Variants in HERC4 observed in about 807,000 individuals in gnomAD.
The protein encoded by HERC4 is probable E3 ubiquitin-protein ligase HERC4.
Under a neutral mutation model 124.3 loss-of-function variants are expected in HERC4, and 28 were observed. The ratio of observed to expected loss-of-function variants is 0.23; its 90% CI spans 0.17 to 0.31. The LOEUF (loss-of-function observed/expected upper bound fraction) is 0.31. Ranked by LOEUF, HERC4 falls within the 10% of genes least tolerant of loss-of-function variation. The pLI is 1.00. For synonymous variants in HERC4, 407 were observed against 421.5 expected (o/e 0.97, Z 0.42); for missense variants, 713 against 1,229.3 (o/e 0.58, Z 6.28).
At chr10:68,073,256 A>G in intron 2 of HERC4, 70 bp from the exon 3 acceptor site, 1 of 609,232 alleles carries the variant, frequency 1.6e-6, no homozygotes, top group Non-Finnish European at 2.9e-6. Flanking sequence ...TTCAAGTGCT[A>G]GGCTACAATA....
intron 9 of HERC4, chr10:67,996,171 G>A (rs573558445): frequency 1.3e-4 from 60 of 447,778 alleles, no homozygotes; most frequent in Non-Finnish European, 2.2e-4. Flanking sequence ...GTTAAGCGTG[G>A]TGGCGCATGC....
intron 15 of HERC4, among the ~76,000 whole-genome samples, chr10:67,969,880 CA>C (rs946799345): frequency 2.8e-4 from 42 of 152,260 alleles, no homozygotes; most frequent in African/African-American, 8.9e-4. Flanking sequence ...AACCAAGAAC[CA>C]TTTCTGTTCC....
At position 67,955,145 on chromosome 10, in the gene HERC4, A is replaced by G. The variant is rs2034058264; in HGVS notation, c.2026-15T>C. 6.4e-7 allele frequency: 1 copy of G among 1,570,286 alleles called. No homozygotes were observed. The highest frequency in any genetic ancestry group is 8.6e-7 in the Non-Finnish European group (1 of 1,164,960). ...TCAATAGCCATCTGGAAAACAAAAG[A>G]TTAACATTTTAACAGCAATGCTACA... On this transcript the variant is annotated splice_polypyrimidine_tract_variant and intron_variant, in intron 17 of 24. Transcript: ENST00000373700.
intron 3 of HERC4, among the ~76,000 whole-genome samples, chr10:68,057,912 G>T (rs2040634596): frequency 6.6e-6 from 1 of 151,944 alleles, no homozygotes; most frequent in South Asian, 2.1e-4. Context: ...TGTTGCCCAG[G>T]CTGGTCTTGA....
chr10:68,026,706 G>T lies in HERC4; in HGVS notation c.778-1030C>A, dbSNP rs371822144. Among the ~76,000 whole-genome samples the T allele has an allele frequency of 5.4e-4, 82 of 152,272 alleles. 2 individuals are homozygous for T. The South Asian group carries it at 0.016, about 29-fold the overall frequency. ...AAAATGCAAAAAAATAGCCAGGCAT[G>T]GTGGCACAGACCTGGAGTCCCAGCT... On this transcript the variant is annotated intron_variant, in intron 7 of 24. Transcript: ENST00000373700.
At chr10:67,956,263 G>C (rs763833129) in intron 17 of HERC4, 2 of 152,018 alleles carry the variant, frequency 1.3e-5, no homozygotes, top group Non-Finnish European at 2.9e-5. Flanking sequence ...CAAACTTACT[G>C]TAACCCTTTA....
intron 15 of HERC4, among the ~76,000 whole-genome samples, chr10:67,969,981 A>G (rs1408516597): frequency 6.6e-6 from 1 of 152,194 alleles, no homozygotes; most frequent in African/African-American, 2.4e-5. Flanking sequence ...AATCCCTCTA[A>G]GGAGTAGGCA....
intron 3 of HERC4, among the ~76,000 whole-genome samples, chr10:68,051,592 C>T (rs1245693042): frequency 6.6e-6 from 1 of 151,802 alleles, no homozygotes; most frequent in Non-Finnish European, 1.5e-5. Context: ...ATCTCCTGAC[C>T]TCGTGATCCG....
chr10:68,069,681 C>CCAA, intron 3 of HERC4: 1 of 985,230 alleles, frequency 1.0e-6, no homozygotes, highest in Non-Finnish European at 1.2e-6. Context: ...ATTTATAAAG[C>CCAA]CAACCTATGT....
chr10:67,975,066 G>A (rs1396436088), intron 15 of HERC4, among the ~76,000 whole-genome samples: 1 of 152,116 alleles, frequency 6.6e-6, no homozygotes, highest in Admixed American at 6.5e-5. Flanking sequence ...GCGCACGCCT[G>A]TAGTCCCAGC....
intron 16 of HERC4, among the ~76,000 whole-genome samples, chr10:67,960,245 G>A (rs1215621188): frequency 6.6e-6 from 1 of 152,214 alleles, no homozygotes; most frequent in Non-Finnish European, 1.5e-5. Context: ...TGCCAGGAAA[G>A]TAATTCATCC....
At position 67,996,663 on chromosome 10, in the gene HERC4, T is replaced by C. The variant is rs190732990; in HGVS notation, c.1070-3981A>G. 1.1e-3 allele frequency among the ~76,000 whole-genome samples: 173 copies of C among 152,218 alleles called. 1 individual carries two copies. The highest frequency in any genetic ancestry group is 4.0e-3 in the African/African-American group (167 of 41,544). On this transcript the variant is annotated intron_variant, in intron 9 of 24. Transcript: ENST00000373700. ...AATATTGAGTGCATTACATTTAGCA[T>C]AGAAAACATCTTAGTATTAATATGA...
chr10:68,004,134 T>C (rs1244542768), intron 9 of HERC4, among the ~76,000 whole-genome samples: 1 of 152,234 alleles, frequency 6.6e-6, no homozygotes, highest in African/African-American at 2.4e-5. Flanking sequence ...GCCATTTGTA[T>C]ACCTTCTTTT....
intron 3 of HERC4, among the ~76,000 whole-genome samples, chr10:68,049,121 A>C (rs2040158433): frequency 6.6e-6 from 1 of 152,090 alleles, no homozygotes; most frequent in Admixed American, 6.5e-5. Flanking sequence ...ACAATAGCAA[A>C]ACACTGGAAA....
chr10:68,053,445 G>A (rs932352611), intron 3 of HERC4, among the ~76,000 whole-genome samples: 9 of 151,612 alleles, frequency 5.9e-5, no homozygotes, highest in Non-Finnish European at 7.4e-5. Flanking sequence ...CTGGGACCAC[G>A]GACATGAGCT....
intron 23 of HERC4, among the ~76,000 whole-genome samples, chr10:67,925,987 C>T (rs1441261162): frequency 6.6e-6 from 1 of 152,210 alleles, no homozygotes; most frequent in African/African-American, 2.4e-5. Context: ...AGCTAAGCCA[C>T]TCCTGAATTC....
rs16925043 is a variant in HERC4, at chr10:68,040,242, C to T, written c.387-2073G>A. On this transcript the variant is annotated intron_variant, in intron 4 of 24. Transcript: ENST00000373700. ...ATACTAACCTAAGGCTTGTAACACA[C>T]ATTAAATGCTAATATCTTTTACCAT... 3,531 of 981,858 alleles carry T rather than the reference C, an allele frequency of 3.6e-3. 106 individuals carry two copies. In the African/African-American group the frequency reaches 0.057, roughly 16 times the overall value. The allele number at this position is 981,858 out of a possible 1,614,324, so 60.8% of individuals were successfully genotyped here.
chr10:67,936,323 T>G (rs1016450596), intron 21 of HERC4, 88 bp from the exon 22 acceptor site: 4 of 696,994 alleles, frequency 5.7e-6, no homozygotes, highest in Non-Finnish European at 8.8e-6. Flanking sequence ...TCTCATTTAA[T>G]TAAAAAAAAC....
chr10:67,933,356 C>T (rs1451914150), intron 22 of HERC4, among the ~76,000 whole-genome samples: 1 of 151,790 alleles, frequency 6.6e-6, no homozygotes. Flanking sequence ...TATACAATCA[C>T]TTCTGATTCT....
Sources: allele counts gnomAD v4.1 joint callset (sites outside exome capture counted in the v4.1 genomes callset), GRCh38; gene constraint gnomAD v4.1.1; transcripts MANE v1.5; gene names NCBI Gene and HGNC (gene_info 2026-07-23, HGNC 2026-07-21).